Variants in PCSK2 observed in about 807,000 individuals in gnomAD.
PCSK2 encodes proprotein convertase subtilisin/kexin type 2, also known as neuroendocrine convertase 2.
In PCSK2, 14 loss-of-function variants were observed where a neutral mutation model predicts 69.7. The observed-to-expected ratio is 0.20, with a 90% CI of 0.13 to 0.31. PCSK2 has a LOEUF of 0.31. Among genes scored for constraint, PCSK2 ranks in the 10% least tolerant of loss-of-function variants. The pLI, the probability that PCSK2 is intolerant of heterozygous loss-of-function variation, is 1.00. For missense variants in PCSK2, 544 were observed against 842.5 expected, an observed-to-expected ratio of 0.65 and a Z score of 4.39; for synonymous variants, 307 against 320.7, an observed-to-expected ratio of 0.96 and a Z score of 0.46.
intron 5 of PCSK2, among the ~76,000 whole-genome samples, chr20:17,377,204 G>T (rs2030953129): frequency 6.6e-6 from 1 of 152,186 alleles, no homozygotes; most frequent in Non-Finnish European, 1.5e-5. Context: ...GATAGGAGAG[G>T]ACAAATTATG....
intron 2 of PCSK2, among the ~76,000 whole-genome samples, chr20:17,303,280 T>G (rs1989150643): frequency 7.2e-6 from 1 of 139,512 alleles, no homozygotes; most frequent in Admixed American, 7.7e-5. Context: ...ACCATATATG[T>G]CTATTACATG....
At chr20:17,232,937 T>C (rs1986194731) in intron 1 of PCSK2, among the ~76,000 whole-genome samples, 1 of 152,228 alleles carries the variant, frequency 6.6e-6, no homozygotes, top group Non-Finnish European at 1.5e-5. Context: ...CTTGCTTCCC[T>C]AGACATGGCT....
chr20:17,412,109 G>A (rs939962247), intron 6 of PCSK2, among the ~76,000 whole-genome samples: 9 of 152,134 alleles, frequency 5.9e-5, no homozygotes, highest in African/African-American at 7.2e-5. Context: ...TCTAAAAAAC[G>A]AGTGCCTCTT....
At chr20:17,280,961 T>C (rs1364603621) in intron 2 of PCSK2, among the ~76,000 whole-genome samples, 1 of 152,236 alleles carries the variant, frequency 6.6e-6, no homozygotes, top group African/African-American at 2.4e-5. Context: ...GTCTGGAAGG[T>C]CTTTCAAGCA....
At chr20:17,373,025 G>A (rs368504420) in intron 5 of PCSK2, among the ~76,000 whole-genome samples, 57 of 152,278 alleles carry the variant, frequency 3.7e-4, no homozygotes, top group African/African-American at 1.3e-3. Context: ...TTCACACCTC[G>A]TTAAGTGACC....
intron 11 of PCSK2, among the ~76,000 whole-genome samples, chr20:17,480,685 G>A (rs149969140): frequency 5.8e-4 from 89 of 152,322 alleles, no homozygotes; most frequent in African/African-American, 2.0e-3. Flanking sequence ...AGGAATTGGA[G>A]ATGTAAAATA....
rs149307722 is a variant in PCSK2, at chr20:17,370,678, T to A, written c.543+1401T>A. The stretch of plus-strand genomic sequence containing the variant: ...CTCATGGTGCCTTCCCTACTGAACA[T>A]GAGTGGAGCTGTCTGCTGGTCTTCT... On this transcript the variant is annotated intron_variant, in intron 5 of 11. Coordinates refer to ENST00000262545, the MANE Select transcript of PCSK2 (RefSeq NM_002594.5). Among the ~76,000 whole-genome samples, 18 of 152,252 alleles carry A rather than the reference T, an allele frequency of 1.2e-4. No individual in the cohort carries two copies. In the East Asian group the frequency reaches 3.5e-3, roughly 29 times the overall value.
chr20:17,345,668 T>G (rs894357610), intron 2 of PCSK2, among the ~76,000 whole-genome samples: 1 of 152,160 alleles, frequency 6.6e-6, no homozygotes, highest in African/African-American at 2.4e-5. Flanking sequence ...CCTCAGAACA[T>G]GCACAAATCA....
At chr20:17,364,234 C>T (rs1432782446) in intron 4 of PCSK2, among the ~76,000 whole-genome samples, 3 of 152,036 alleles carry the variant, frequency 2.0e-5, no homozygotes, top group South Asian at 4.2e-4. Context: ...AAGATTCAAA[C>T]CTGAGGACCA....
intron 2 of PCSK2, among the ~76,000 whole-genome samples, chr20:17,303,537 T>TA (rs1568593919): frequency 9.3e-5 from 3 of 32,238 alleles, no homozygotes; most frequent in African/African-American, 2.6e-4. Context: ...TATTATATTA[T>TA]ATATAATATG....
chr20:17,236,258 G>T (rs1484601471), intron 1 of PCSK2, among the ~76,000 whole-genome samples: 1 of 151,964 alleles, frequency 6.6e-6, no homozygotes, highest in Non-Finnish European at 1.5e-5. Flanking sequence ...TATGGAAATT[G>T]TTAAACTTCA....
chr20:17,227,390 G>A lies in PCSK2; in HGVS notation c.85G>A (p.Val29Ile), dbSNP rs745556049. 6.2e-7 allele frequency: 1 copy of A among 1,613,940 alleles called. No homozygotes were observed. Among genetic ancestry groups the A allele is most frequent in the South Asian group, 1.1e-5 (1 of 91,072 alleles). ...GGTTTTTGCATCTGCTGAGCGACCG[G>A]TCTTCACGAATCATTTTCTTGTGGA... ...VMVFASAERP[V>I]FTNHFLVELH... Residue 29 changes from valine (V) to isoleucine (I), a missense_variant, in exon 1 of 12, where the codon GTC (valine) becomes ATC (isoleucine). By Grantham distance (29) the Val-to-Ile change is conservative (BLOSUM62 3). Transcript: ENST00000262545.
intron 6 of PCSK2, among the ~76,000 whole-genome samples, chr20:17,415,818 C>T (rs2031986845): frequency 6.6e-6 from 1 of 152,174 alleles, no homozygotes; most frequent in African/African-American, 2.4e-5. Flanking sequence ...CAGCATGGCA[C>T]TGGTACCAAA....
intron 5 of PCSK2, among the ~76,000 whole-genome samples, chr20:17,382,978 A>G (rs2031129002): frequency 6.6e-6 from 1 of 152,142 alleles, no homozygotes; most frequent in African/African-American, 2.4e-5. Context: ...AGTTCTTAAG[A>G]TAGTCTGTGG....
intron 6 of PCSK2, among the ~76,000 whole-genome samples, chr20:17,419,129 A>T (rs900455006): frequency 1.3e-5 from 2 of 152,136 alleles, no homozygotes; most frequent in African/African-American, 4.8e-5. Flanking sequence ...ATCATCTCAT[A>T]CCCTCTGCAT....
chr20:17,357,569 T>C (rs946877468), intron 2 of PCSK2, among the ~76,000 whole-genome samples: 2 of 152,232 alleles, frequency 1.3e-5, no homozygotes, highest in Admixed American at 6.5e-5. Flanking sequence ...TTTATTTCAC[T>C]TAATGACCCC....
Position 17,274,692 on chromosome 20 carries a change from G to A in PCSK2, c.282+14348G>A, listed in dbSNP as rs1024404115. ...CCAGTCCCAACTGCTGTTACCTGGA[G>A]ACAAACTACCCAGTCATGTCTTTCC... On this transcript the variant is annotated intron_variant, in intron 2 of 11. Coordinates refer to ENST00000262545, the MANE Select transcript of PCSK2 (RefSeq NM_002594.5). Among the ~76,000 whole-genome samples, 8 of 152,216 alleles carry A rather than the reference G, an allele frequency of 5.3e-5. No homozygotes were observed. The South Asian group carries it at 6.2e-4, about 12-fold the overall frequency.
Position 17,411,166 on chromosome 20 carries a change from C to T in PCSK2, c.620+1827C>T, listed in dbSNP as rs143801051. 1.9e-3 allele frequency among the ~76,000 whole-genome samples: 296 copies of T among 152,284 alleles called. 1 individual carries two copies. The highest frequency in any genetic ancestry group is 5.6e-3 in the African/African-American group (233 of 41,558). On this transcript the variant is annotated intron_variant, in intron 6 of 11. Transcript: ENST00000262545. The stretch of plus-strand genomic sequence containing the variant: ...TCTGGTCTGCAGCTCCCAGCATGAT[C>T]GACGCAGAAGATGGGCAATTTCTGC...
chr20:17,461,950 A>G (rs969303558), intron 10 of PCSK2, among the ~76,000 whole-genome samples: 3 of 152,232 alleles, frequency 2.0e-5, no homozygotes, highest in Admixed American at 6.5e-5. Flanking sequence ...TAAAAATTAA[A>G]CATTAAACAA....
Sources: gnomAD v4.1 joint callset for allele counts (sites outside exome capture counted in the v4.1 genomes callset) on GRCh38, gnomAD v4.1.1 for gene constraint, MANE v1.5 for transcripts, NCBI Gene and HGNC (gene_info 2026-07-23, HGNC 2026-07-21) for gene names.